The following S100PBP variants were observed in gnomAD, a reference collection of about 807,000 sequenced individuals.
S100PBP encodes the protein S100P-binding protein.
S100PBP carries 15 observed loss-of-function variants against 39.9 expected under a neutral mutation model. That is an observed-to-expected ratio of 0.38 (90% CI 0.25 to 0.58). The LOEUF is 0.58. S100PBP is among the 20% of genes least tolerant of loss of function. The pLI, the probability that S100PBP is intolerant of heterozygous loss-of-function variation, is 0.70. For missense variants in S100PBP, 504 were observed against 487.3 expected (o/e 1.03, Z -0.32); for synonymous variants, 178 against 180.3 (o/e 0.99, Z 0.10).
At chr1:32,836,184 G>A (rs1314435474) in intron 5 of S100PBP, 1 of 150,724 alleles carries the variant, frequency 6.6e-6, no homozygotes, top group Non-Finnish European at 1.5e-5. Context: ...CCAGGCTGGA[G>A]TGCAGTGGTA....
intron 5 of S100PBP, among the ~76,000 whole-genome samples, chr1:32,842,509 G>C (rs540538284): frequency 6.6e-6 from 1 of 151,958 alleles, no homozygotes; most frequent in African/African-American, 2.4e-5. Context: ...TTTAGAATTA[G>C]CGTATCAATT....
intron 4 of S100PBP, 82 bp downstream of exon 4, chr1:32,828,163 T>G: frequency 1.1e-6 from 1 of 912,816 alleles, no homozygotes; most frequent in Non-Finnish European, 1.7e-6. Context: ...TTCCTCTTAG[T>G]GCAGGGAAAA....
At chr1:32,823,811 C>T (rs4951772) in intron 1 of S100PBP, among the ~76,000 whole-genome samples, 150,440 of 152,360 alleles carry the variant, frequency 0.99, 74,302 homozygotes, top group East Asian at 1. Flanking sequence ...ATTATGAGGG[C>T]AGGAGCTATA....
At chr1:32,847,962 G>C (rs77394815) in intron 5 of S100PBP, among the ~76,000 whole-genome samples, 1 of 152,050 alleles carries the variant, frequency 6.6e-6, no homozygotes, top group Admixed American at 6.6e-5. Flanking sequence ...TTTTCACCAG[G>C]TCTCGTAGTG....
At chr1:32,827,210 T>C (rs1234902153) in intron 3 of S100PBP, among the ~76,000 whole-genome samples, 1 of 152,248 alleles carries the variant, frequency 6.6e-6, no homozygotes. Context: ...CTTCATAGTA[T>C]AATAAGGATT....
upstream of S100PBP, chr1:32,817,056 A>T: frequency 8.5e-7 from 1 of 1,175,156 alleles, no homozygotes; most frequent in Non-Finnish European, 1.3e-6. Flanking sequence ...AGTGAGATCT[A>T]CAGGCTCTCT....
chr1:32,841,238 A>G (rs972376363), intron 5 of S100PBP, among the ~76,000 whole-genome samples: 8 of 152,106 alleles, frequency 5.3e-5, no homozygotes, highest in Non-Finnish European at 2.9e-5. Context: ...CATGTTCCAA[A>G]TGCAAGTTTC....
chr1:32,849,011 C>T (rs534363897), intron 5 of S100PBP, among the ~76,000 whole-genome samples: 10 of 152,294 alleles, frequency 6.6e-5, no homozygotes, highest in African/African-American at 2.2e-4. Flanking sequence ...TTCTTGTTAG[C>T]ATCTCTAAAT....
chr1:32,817,458 G>A (rs1318577446), upstream of S100PBP: 3 of 629,878 alleles, frequency 4.8e-6, no homozygotes, highest in Non-Finnish European at 5.6e-6. Flanking sequence ...ACGGGAAAAG[G>A]TGGAGCCAGT....
chr1:32,833,667 T>C (rs1639699248), intron 5 of S100PBP, among the ~76,000 whole-genome samples: 1 of 152,154 alleles, frequency 6.6e-6, no homozygotes, highest in South Asian at 2.1e-4. Flanking sequence ...GCCCATTTTT[T>C]ATTCTTTCAG....
chr1:32,827,569 C>T (rs988457363), intron 3 of S100PBP, among the ~76,000 whole-genome samples: 8 of 152,116 alleles, frequency 5.3e-5, no homozygotes, highest in African/African-American at 1.9e-4. Context: ...CTGCAACTCC[C>T]GCCTCTCGGG....
At chr1:32,843,668 G>A (rs1640222080) in intron 5 of S100PBP, among the ~76,000 whole-genome samples, 1 of 152,100 alleles carries the variant, frequency 6.6e-6, no homozygotes, top group African/African-American at 2.4e-5. Flanking sequence ...GGTCAGGCTG[G>A]TCTCGAACTC....
chr1:32,842,450 T>C lies in S100PBP; in HGVS notation c.1025-10629T>C, dbSNP rs545337815. 9.9e-5 allele frequency among the ~76,000 whole-genome samples: 15 copies of C among 152,112 alleles called. No individual in the cohort carries two copies. The South Asian group carries it at 1.7e-3, about 17-fold the overall frequency. On this transcript the variant is annotated intron_variant, in intron 5 of 6. Transcript: ENST00000373475. ...CTAATGTGTTCCACTAGTGTTCTTA[T>C]TTTTCAGTTGTGTTGGCTTTTGTAG...
At chr1:32,819,722 A>G (rs1488595774) in intron 1 of S100PBP, among the ~76,000 whole-genome samples, 3 of 152,250 alleles carry the variant, frequency 2.0e-5, no homozygotes, top group Admixed American at 6.5e-5. Context: ...AATTTCACTG[A>G]AGAACTTCAG....
upstream of S100PBP, chr1:32,817,351 C>A: frequency 6.9e-7 from 1 of 1,450,996 alleles, no homozygotes; most frequent in Non-Finnish European, 9.6e-7. Flanking sequence ...AGCCAGGTTG[C>A]ATCAGCTGGG....
At chr1:32,852,934 T>C (rs1282727787) in intron 5 of S100PBP, 145 bp from the exon 6 acceptor site, 1 of 597,758 alleles carries the variant, frequency 1.7e-6, no homozygotes, top group East Asian at 2.9e-5. Flanking sequence ...TGGTTTATAG[T>C]TTCTGTGCTC....
At chr1:32,838,072 T>C (rs1171549559) in intron 5 of S100PBP, among the ~76,000 whole-genome samples, 1 of 152,092 alleles carries the variant, frequency 6.6e-6, no homozygotes, top group Non-Finnish European at 1.5e-5. Flanking sequence ...CTGGGTGCGG[T>C]GGCTCACGCC....
chr1:32,827,627 A>G (rs760771650), intron 3 of S100PBP, among the ~76,000 whole-genome samples: 126 of 152,074 alleles, frequency 8.3e-4, no homozygotes, highest in Admixed American at 2.1e-3. Context: ...GATTACAAAC[A>G]TGCACCACCA....
intron 5 of S100PBP, among the ~76,000 whole-genome samples, chr1:32,833,534 G>C (rs1478568089): frequency 6.6e-6 from 1 of 151,808 alleles, no homozygotes; most frequent in South Asian, 2.1e-4. Flanking sequence ...GTTAATTTTT[G>C]TATTTTTAGT....
Sources: gnomAD v4.1 joint callset for allele counts (sites outside exome capture counted in the v4.1 genomes callset) on GRCh38, gnomAD v4.1.1 for gene constraint, MANE v1.5 for transcripts, NCBI Gene and HGNC (gene_info 2026-07-23, HGNC 2026-07-21) for gene names.